The following SAMD12 variants were observed in gnomAD, a reference collection of about 807,000 sequenced individuals.
SAMD12 encodes sterile alpha motif domain containing 12, also known as sterile alpha motif domain-containing protein 12.
In SAMD12, 9 loss-of-function variants were observed where a neutral mutation model predicts 15.0. That is an observed-to-expected ratio of 0.60 (90% CI 0.36 to 1.05). SAMD12 has a LOEUF of 1.05. SAMD12 is among the 50% of genes least tolerant of loss of function. The pLI is 0.01. For missense variants in SAMD12, 230 were observed against 234.2 expected (o/e 0.98, Z 0.12); for synonymous variants, 86 against 90.1 (o/e 0.96, Z 0.25).
chr8:118,513,202 C>T (rs1825136391), intron 2 of SAMD12, among the ~76,000 whole-genome samples: 2 of 152,084 alleles, frequency 1.3e-5, no homozygotes, highest in Non-Finnish European at 2.9e-5. Context: ...AGAACCCATA[C>T]AAATTAAATC....
intron 3 of SAMD12, among the ~76,000 whole-genome samples, chr8:118,382,451 C>A (rs1462381568): frequency 6.6e-6 from 1 of 152,190 alleles, no homozygotes; most frequent in Non-Finnish European, 1.5e-5. Context: ...CCAGCCTTTC[C>A]AAAAATGCAT....
chr8:118,388,249 G>T (rs1299562779), intron 3 of SAMD12, among the ~76,000 whole-genome samples: 3 of 152,148 alleles, frequency 2.0e-5, no homozygotes, highest in Non-Finnish European at 4.4e-5. Flanking sequence ...CATGCTTGGC[G>T]TTAGTCTCTT....
chr8:118,513,823 C>T (rs140433605), intron 2 of SAMD12, among the ~76,000 whole-genome samples: 1 of 152,172 alleles, frequency 6.6e-6, no homozygotes, highest in Non-Finnish European at 1.5e-5. Context: ...CAGCAAATGA[C>T]ACTTGCCCTC....
At chr8:118,434,275 T>C (rs1822507643) in intron 3 of SAMD12, among the ~76,000 whole-genome samples, 2 of 152,198 alleles carry the variant, frequency 1.3e-5, no homozygotes, top group Admixed American at 1.3e-4. Flanking sequence ...GTGTAGGTGA[T>C]CATTTAGAAA....
At chr8:118,354,118 G>T (rs1164818749) in intron 4 of SAMD12, among the ~76,000 whole-genome samples, 1 of 152,112 alleles carries the variant, frequency 6.6e-6, no homozygotes, top group Non-Finnish European at 1.5e-5. Context: ...TGGCTTCTTT[G>T]AATTCTCTTT....
At chr8:118,254,314 A>G (rs898758419) in intron 4 of SAMD12, among the ~76,000 whole-genome samples, 5 of 152,164 alleles carry the variant, frequency 3.3e-5, no homozygotes, top group Non-Finnish European at 7.4e-5. Flanking sequence ...AGGGTGAAGA[A>G]CAGTTGCAAA....
chr8:118,364,270 A>C (rs1236737083), intron 4 of SAMD12, among the ~76,000 whole-genome samples: 1 of 152,118 alleles, frequency 6.6e-6, no homozygotes, highest in African/African-American at 2.4e-5. Flanking sequence ...CTTATTTCAT[A>C]TTTCTGGGGA....
At chr8:118,239,441 C>T (rs1156320102) in intron 4 of SAMD12, among the ~76,000 whole-genome samples, 4 of 152,078 alleles carry the variant, frequency 2.6e-5, no homozygotes, top group Non-Finnish European at 4.4e-5. Flanking sequence ...TACCAAGACT[C>T]TTCTATTACT....
intron 2 of SAMD12, among the ~76,000 whole-genome samples, chr8:118,444,640 C>G (rs529320053): frequency 6.6e-6 from 1 of 151,564 alleles, no homozygotes; most frequent in African/African-American, 2.4e-5. Context: ...AGAAAGAACT[C>G]TGAAGCATTC....
chr8:118,314,308 AT>A (rs1043311275), intron 4 of SAMD12, among the ~76,000 whole-genome samples: 3 of 152,288 alleles, frequency 2.0e-5, no homozygotes, highest in African/African-American at 7.2e-5. Flanking sequence ...TTTTGAAATA[AT>A]TATAGACTCA....
chr8:118,412,585 A>G (rs1045218539), intron 3 of SAMD12, among the ~76,000 whole-genome samples: 2 of 152,124 alleles, frequency 1.3e-5, no homozygotes, highest in Non-Finnish European at 2.9e-5. Flanking sequence ...GGAGTATAGC[A>G]AAGGTTACTG....
chr8:118,313,583 T>C (rs1002562259), intron 4 of SAMD12, among the ~76,000 whole-genome samples: 2 of 152,076 alleles, frequency 1.3e-5, no homozygotes, highest in African/African-American at 4.8e-5. Context: ...GCATGCTATA[T>C]TGGGACCTTT....
At chr8:118,189,164 A>C (rs1298312508), downstream of SAMD12, among the ~76,000 whole-genome samples, 2 of 152,140 alleles carry the variant, frequency 1.3e-5, no homozygotes, top group African/African-American at 4.8e-5. Context: ...GCTCGACACT[A>C]AAGAGTTCAC....
At chr8:118,310,624 AT>A (rs1815580245) in intron 4 of SAMD12, among the ~76,000 whole-genome samples, 1 of 152,114 alleles carries the variant, frequency 6.6e-6, no homozygotes, top group Non-Finnish European at 1.5e-5. Context: ...GACTTCAATG[AT>A]TTCCCTAGGA....
At chr8:118,392,542 C>T (rs1421088920) in intron 3 of SAMD12, among the ~76,000 whole-genome samples, 1 of 152,216 alleles carries the variant, frequency 6.6e-6, no homozygotes, top group African/African-American at 2.4e-5. Flanking sequence ...AGCTGTGTAG[C>T]TCACTCCAAA....
At chr8:118,184,571 C>T (rs1397203111), downstream of SAMD12, among the ~76,000 whole-genome samples, 1 of 152,204 alleles carries the variant, frequency 6.6e-6, no homozygotes, top group Non-Finnish European at 1.5e-5. Context: ...TCTCTGCTCA[C>T]TGCAACCTCC....
At chr8:118,536,206 A>C (rs1317347073) in intron 2 of SAMD12, among the ~76,000 whole-genome samples, 1 of 152,018 alleles carries the variant, frequency 6.6e-6, no homozygotes, top group Admixed American at 6.6e-5. Flanking sequence ...ATATGTCCTC[A>C]TTCCCTGCCC....
intron 2 of SAMD12, among the ~76,000 whole-genome samples, chr8:118,458,948 ATATG>A (rs1823335219): frequency 1.3e-5 from 1 of 75,108 alleles, no homozygotes; most frequent in Non-Finnish European, 2.7e-5. Flanking sequence ...CTTCAGCTAT[ATATG>A]TGTGTGTGTG....
intron 2 of SAMD12, among the ~76,000 whole-genome samples, chr8:118,536,958 AG>A (rs1825862389): frequency 6.6e-6 from 1 of 152,226 alleles, no homozygotes; most frequent in Non-Finnish European, 1.5e-5. Context: ...CTTGTAGGAC[AG>A]GTCTGGTGTT....
Sources: allele counts gnomAD v4.1 joint callset (sites outside exome capture counted in the v4.1 genomes callset), GRCh38; gene constraint gnomAD v4.1.1; transcripts MANE v1.5; gene names NCBI Gene and HGNC (gene_info 2026-07-23, HGNC 2026-07-21).